The following GPR39 variants were observed in gnomAD, a reference collection of about 807,000 sequenced individuals.
GPR39 encodes the protein zinc sensing receptor.
GPR39 carries 23 observed loss-of-function variants against 18.4 expected under a neutral mutation model. The ratio of observed to expected loss-of-function variants is 1.25; its 90% confidence interval spans 0.90 to 1.77. The LOEUF is 1.77. Ranked by LOEUF, GPR39 falls within the 40% of genes most tolerant of loss-of-function variation. The probability of loss-of-function intolerance (pLI) is 0.00; values close to 1 mark genes in which losing one functional copy is unlikely to be tolerated. For synonymous variants in GPR39, 280 were observed against 257.9 expected, an observed-to-expected ratio of 1.09 and a Z score of -0.82; for missense variants, 647 against 602.4, an observed-to-expected ratio of 1.07 and a Z score of -0.78.
intron 1 of GPR39, among the ~76,000 whole-genome samples, chr2:132,426,289 G>A (rs1449820192): frequency 4.6e-5 from 7 of 152,216 alleles, no homozygotes; most frequent in East Asian, 1.9e-4. Context: ...TTAAACTCTC[G>A]TTTGGAGAAT....
intron 1 of GPR39, among the ~76,000 whole-genome samples, chr2:132,525,004 C>T (rs1222659309): frequency 6.6e-6 from 1 of 152,180 alleles, no homozygotes; most frequent in East Asian, 1.9e-4. Context: ...ATATTGCCTC[C>T]CTACATTTGT....
At chr2:132,455,185 C>G (rs191934438) in intron 1 of GPR39, among the ~76,000 whole-genome samples, 1 of 152,082 alleles carries the variant, frequency 6.6e-6, no homozygotes, top group Non-Finnish European at 1.5e-5. Flanking sequence ...TTCAGAGATT[C>G]GACTTCTTCC....
intron 1 of GPR39, among the ~76,000 whole-genome samples, chr2:132,558,701 T>C (rs1250353557): frequency 6.6e-6 from 1 of 152,176 alleles, no homozygotes; most frequent in Non-Finnish European, 1.5e-5. Context: ...TTCCAGAAGC[T>C]CCTGGGTTCT....
chr2:132,459,745 C>T (rs538557935), intron 1 of GPR39, among the ~76,000 whole-genome samples: 101 of 152,254 alleles, frequency 6.6e-4, no homozygotes, highest in African/African-American at 2.2e-3. Context: ...TACTCAGTCA[C>T]GAAGACTTGA....
intron 1 of GPR39, among the ~76,000 whole-genome samples, chr2:132,638,051 CAT>C (rs1681794765): frequency 6.7e-6 from 1 of 150,224 alleles, no homozygotes; most frequent in Admixed American, 6.6e-5. Flanking sequence ...ACTGGAGAAA[CAT>C]GTACAGAAAG....
At chr2:132,585,065 C>T (rs1166266183) in intron 1 of GPR39, among the ~76,000 whole-genome samples, 1 of 152,188 alleles carries the variant, frequency 6.6e-6, no homozygotes, top group Non-Finnish European at 1.5e-5. Flanking sequence ...TTTTGCACTG[C>T]TTTGGTTGAC....
intron 1 of GPR39, among the ~76,000 whole-genome samples, chr2:132,427,311 C>T (rs1158038328): frequency 6.7e-6 from 1 of 148,386 alleles, no homozygotes; most frequent in Non-Finnish European, 1.5e-5. Context: ...CTACAGGCGC[C>T]TGCCACCACA....
chr2:132,572,568 A>G (rs1013574136), intron 1 of GPR39, among the ~76,000 whole-genome samples: 37 of 151,994 alleles, frequency 2.4e-4, no homozygotes, highest in African/African-American at 8.9e-4. Context: ...ATTCTAAACT[A>G]GATCTTAAAA....
At chr2:132,533,485 GA>G (rs1679681512) in intron 1 of GPR39, among the ~76,000 whole-genome samples, 1 of 141,150 alleles carries the variant, frequency 7.1e-6, no homozygotes, top group South Asian at 2.3e-4. Context: ...CACAGAATTG[GA>G]AAAAACTACT....
intron 1 of GPR39, among the ~76,000 whole-genome samples, chr2:132,570,834 C>T (rs115825518): frequency 0.019 from 2,835 of 152,188 alleles, 106 homozygotes; most frequent in African/African-American, 0.065. Context: ...GCAGCACCCC[C>T]GTTGGTTCAA....
At chr2:132,561,616 A>ACT (rs60166484) in intron 1 of GPR39, among the ~76,000 whole-genome samples, 1 of 149,678 alleles carries the variant, frequency 6.7e-6, no homozygotes, top group Non-Finnish European at 1.5e-5. Context: ...ACACACACAC[A>ACT]GATAAGGAAT....
chr2:132,575,255 C>G (rs939658144), intron 1 of GPR39, among the ~76,000 whole-genome samples: 2 of 152,104 alleles, frequency 1.3e-5, no homozygotes, highest in Non-Finnish European at 2.9e-5. Flanking sequence ...TTAATTTAAT[C>G]CATTGATTTT....
At chr2:132,558,180 T>C (rs1680189325) in intron 1 of GPR39, among the ~76,000 whole-genome samples, 1 of 152,010 alleles carries the variant, frequency 6.6e-6, no homozygotes, top group Non-Finnish European at 1.5e-5. Context: ...TCATCCTCCT[T>C]AGCTTCTCTA....
intron 1 of GPR39, among the ~76,000 whole-genome samples, chr2:132,491,420 GC>G (rs1681458361): frequency 6.6e-6 from 1 of 151,898 alleles, no homozygotes; most frequent in African/African-American, 2.4e-5. Context: ...CATTTCATTT[GC>G]CTACTTATTC....
intron 1 of GPR39, among the ~76,000 whole-genome samples, chr2:132,639,249 A>T (rs139610595): frequency 6.7e-6 from 1 of 149,222 alleles, no homozygotes; most frequent in African/African-American, 2.5e-5. Context: ...GAGAACTTGA[A>T]TGGGGGGATA....
chr2:132,428,572 A>C (rs1558796166), intron 1 of GPR39, among the ~76,000 whole-genome samples: 1 of 152,232 alleles, frequency 6.6e-6, no homozygotes, highest in Non-Finnish European at 1.5e-5. Context: ...CAGCATCAGC[A>C]TCACCTGGGA....
chr2:132,570,346 C>A (rs191053053), intron 1 of GPR39, among the ~76,000 whole-genome samples: 3 of 152,142 alleles, frequency 2.0e-5, no homozygotes. Flanking sequence ...GAAGTCTCCA[C>A]GTTCACATCC....
Position 132,539,849 on chromosome 2 carries a change from G to A in GPR39, c.857-105252G>A, listed in dbSNP as rs111523148. Among the ~76,000 whole-genome samples the A allele has an allele frequency of 1.3e-4, 20 of 152,286 alleles. 1 individual carries two copies. The highest frequency in any genetic ancestry group is 3.9e-4 in the Admixed American group (6 of 15,300). ...CTCACCACAGGAGTCTGTGGGATGGGCAATGCTGTGACTACCTTTAGAAAA... is the reference window on the plus strand; with the variant it reads ...CTCACCACAGGAGTCTGTGGGATGGACAATGCTGTGACTACCTTTAGAAAA... On this transcript the variant is annotated intron_variant, in intron 1 of 1. Coordinates refer to ENST00000329321, the MANE Select transcript of GPR39 (RefSeq NM_001508.3).
chr2:132,456,111 A>G (rs1441657397), intron 1 of GPR39, among the ~76,000 whole-genome samples: 1 of 152,136 alleles, frequency 6.6e-6, no homozygotes, highest in Non-Finnish European at 1.5e-5. Flanking sequence ...ATGGGAGTCT[A>G]AGTCTCTTTG....
Sources: allele counts gnomAD v4.1 joint callset (sites outside exome capture counted in the v4.1 genomes callset), GRCh38; gene constraint gnomAD v4.1.1; transcripts MANE v1.5; gene names NCBI Gene and HGNC (gene_info 2026-07-23, HGNC 2026-07-21).